Variants in CPVL observed in about 807,000 individuals in gnomAD.
CPVL encodes carboxypeptidase vitellogenic like.
A neutral mutation model predicts 63.7 loss-of-function variants in CPVL; 51 were observed. The ratio of observed to expected loss-of-function variants is 0.80; its 90% CI spans 0.64 to 1.01. CPVL has a LOEUF of 1.01. Ranked by LOEUF, CPVL falls within the 50% of genes least tolerant of loss-of-function variation. The pLI is 0.00. For missense variants in CPVL, 530 were observed against 573.1 expected (o/e 0.92, Z 0.77); for synonymous variants, 195 against 206.0 (o/e 0.95, Z 0.46).
intron 12 of CPVL, among the ~76,000 whole-genome samples, chr7:29,025,007 C>T (rs1337273657): frequency 6.6e-6 from 1 of 152,130 alleles, no homozygotes; most frequent in Non-Finnish European, 1.5e-5. Flanking sequence ...AAGAACGGAA[C>T]AAAGGATATA....
At chr7:29,099,549 T>C (rs1786856051) in intron 3 of CPVL, among the ~76,000 whole-genome samples, 1 of 152,054 alleles carries the variant, frequency 6.6e-6, no homozygotes, top group South Asian at 2.1e-4. Flanking sequence ...GCATCTCTAC[T>C]AAAAATACAA....
chr7:29,174,461 A>G (rs1562808100), intron 5 of CPVL, among the ~76,000 whole-genome samples: 1 of 152,168 alleles, frequency 6.6e-6, no homozygotes, highest in Non-Finnish European at 1.5e-5. Flanking sequence ...CTGTCCAGAC[A>G]AGGGACAGGT....
chr7:29,002,108 C>G (rs549135254), intron 12 of CPVL, among the ~76,000 whole-genome samples: 2 of 152,244 alleles, frequency 1.3e-5, no homozygotes, highest in African/African-American at 4.8e-5. Flanking sequence ...CTGACCAAGA[C>G]GCCAAGTCAA....
chr7:29,186,114 C>T (rs1798676170), intron 2 of CPVL, among the ~76,000 whole-genome samples: 5 of 152,008 alleles, frequency 3.3e-5, no homozygotes, highest in Admixed American at 3.3e-4. Context: ...AATTTTGATC[C>T]CTTGAAATTC....
At chr7:29,104,889 G>C (rs1417276055) in intron 3 of CPVL, among the ~76,000 whole-genome samples, 1 of 152,158 alleles carries the variant, frequency 6.6e-6, no homozygotes, top group Non-Finnish European at 1.5e-5. Flanking sequence ...AGGAAATCAG[G>C]CATGCAAAAG....
Position 29,030,704 on chromosome 7 carries a change from C to A in CPVL, c.1193G>T (p.Arg398Leu), listed in dbSNP as rs1052200. The A allele has an allele frequency of 1.2e-6, 2 of 1,613,110 alleles. No homozygotes were observed. The highest frequency in any genetic ancestry group is 1.1e-5 in the South Asian group (1 of 90,940). Residue 398 changes from arginine to leucine, a missense_variant, in exon 12 of 13, where the codon CGC (arginine) becomes CTC (leucine). Coordinates refer to ENST00000265394, the MANE Select transcript of CPVL (RefSeq NM_031311.5). ...TTTCCAGTCCATGCCCATCAAGGAG[C>A]GCTCTGTCAGGGCAGCTGCCACGAT... ...DIIVAAALTERSLMGMDWKGS... is the reference protein window; with the variant it reads ...DIIVAAALTELSLMGMDWKGS...
chr7:29,042,969 C>A (rs1380059510), intron 11 of CPVL, among the ~76,000 whole-genome samples: 1 of 152,200 alleles, frequency 6.6e-6, no homozygotes, highest in Non-Finnish European at 1.5e-5. Flanking sequence ...TTCTCTCCTC[C>A]CATAACAAAC....
upstream of CPVL, chr7:29,146,656 C>G (rs1441768490): frequency 1.9e-6 from 3 of 1,550,476 alleles, no homozygotes; most frequent in African/African-American, 4.1e-5. Context: ...CTGGCCGCAT[C>G]AAGTCAGCGC....
At chr7:29,126,415 C>T (rs1790029188) in intron 1 of CPVL, 2 of 152,152 alleles carry the variant, frequency 1.3e-5, no homozygotes, top group South Asian at 4.1e-4. Context: ...TCCATTAGCT[C>T]ACACTCCAAT....
intron 3 of CPVL, among the ~76,000 whole-genome samples, chr7:29,111,673 G>A (rs2128630112): frequency 6.6e-6 from 1 of 152,302 alleles, no homozygotes; most frequent in Non-Finnish European, 1.5e-5. Context: ...CTGCTTTGGG[G>A]TGAACTATGT....
intron 1 of CPVL, chr7:29,192,450 A>G (rs1783010616): frequency 1.3e-5 from 2 of 152,208 alleles, no homozygotes; most frequent in African/African-American, 4.8e-5. Flanking sequence ...TGAATAATGA[A>G]ACCTGTTACC....
At chr7:29,036,298 C>T (rs980992953) in intron 11 of CPVL, among the ~76,000 whole-genome samples, 4 of 152,148 alleles carry the variant, frequency 2.6e-5, no homozygotes, top group African/African-American at 9.7e-5. Context: ...CTAATGAGAC[C>T]ATGTACACAA....
intron 10 of CPVL, 118 bp downstream of exon 10, chr7:29,065,905 A>C (rs977324523): frequency 3.4e-6 from 2 of 592,910 alleles, no homozygotes; most frequent in Admixed American, 6.2e-5. Context: ...ATCACGCGGT[A>C]CAGTTTGGAC....
intron 6 of CPVL, among the ~76,000 whole-genome samples, chr7:29,089,087 T>G (rs1006571303): frequency 6.6e-6 from 1 of 152,254 alleles, no homozygotes; most frequent in African/African-American, 2.4e-5. Context: ...TGATTCCATT[T>G]GGCCACCTTG....
intron 5 of CPVL, among the ~76,000 whole-genome samples, chr7:29,176,595 C>A (rs1223328815): frequency 6.6e-6 from 1 of 152,014 alleles, no homozygotes; most frequent in African/African-American, 2.4e-5. Flanking sequence ...TACTAAGACA[C>A]CCTTACAAAG....
At chr7:29,128,354 G>C (rs925535994) in intron 1 of CPVL, among the ~76,000 whole-genome samples, 1 of 152,120 alleles carries the variant, frequency 6.6e-6, no homozygotes, top group Non-Finnish European at 1.5e-5. Context: ...TTCCCTCCCA[G>C]GGACAGCTAT....
chr7:28,994,738 A>G (rs191382532), downstream of CPVL, among the ~76,000 whole-genome samples: 4 of 152,332 alleles, frequency 2.6e-5, no homozygotes, highest in East Asian at 7.7e-4. Flanking sequence ...ACAACATGAG[A>G]AATTAAAAGA....
chr7:29,012,820 C>T (rs1785988755), intron 12 of CPVL: 1 of 152,166 alleles, frequency 6.6e-6, no homozygotes, highest in South Asian at 2.1e-4. Flanking sequence ...TTTAGGGTTC[C>T]CAAACTGGCT....
At chr7:29,091,972 TATA>T (rs1266929802) in intron 6 of CPVL, among the ~76,000 whole-genome samples, 6 of 152,158 alleles carry the variant, frequency 3.9e-5, no homozygotes, top group Non-Finnish European at 8.8e-5. Context: ...AGTAAATTAT[TATA>T]ATACATAAAG....
Sources: gnomAD v4.1 joint callset for allele counts (sites outside exome capture counted in the v4.1 genomes callset) on GRCh38, gnomAD v4.1.1 for gene constraint, MANE v1.5 for transcripts, NCBI Gene and HGNC (gene_info 2026-07-23, HGNC 2026-07-21) for gene names.